TNRC6B: variants seen among roughly 807,000 people sequenced by gnomAD.
TNRC6B encodes trinucleotide repeat-containing gene 6B protein.
A neutral mutation model predicts 203.6 loss-of-function variants in TNRC6B; 52 were observed. The observed-to-expected ratio is 0.26, with a 90% CI of 0.20 to 0.32. The LOEUF (loss-of-function observed/expected upper bound fraction) is 0.32, where lower values mean the gene tolerates loss of function less well. Among genes scored for constraint, TNRC6B ranks in the 10% least tolerant of loss-of-function variants. The pLI, the probability that TNRC6B is intolerant of heterozygous loss-of-function variation, is 1.00. For synonymous variants in TNRC6B, 838 were observed against 845.7 expected (o/e 0.99, Z 0.16); for missense variants, 1,923 against 2,286.2 (o/e 0.84, Z 3.24).
At chr22:40,065,077 G>A (rs1048019207) in intron 1 of TNRC6B, among the ~76,000 whole-genome samples, 3 of 142,886 alleles carry the variant, frequency 2.1e-5, no homozygotes, top group Non-Finnish European at 4.6e-5. Flanking sequence ...TGGTCTCATA[G>A]AATGAATTGG....
At chr22:40,254,383 C>T (rs749679986) in intron 3 of TNRC6B, among the ~76,000 whole-genome samples, 5 of 152,034 alleles carry the variant, frequency 3.3e-5, no homozygotes, top group South Asian at 2.1e-4. Context: ...GGCCAGGCAC[C>T]GTGGCACAGG....
intron 1 of TNRC6B, among the ~76,000 whole-genome samples, chr22:40,064,871 C>T (rs964711394): frequency 1.3e-5 from 2 of 152,052 alleles, no homozygotes; most frequent in Non-Finnish European, 2.9e-5. Context: ...CCCACCTCGG[C>T]CTTCCAAAGT....
rs768921915 is a variant in TNRC6B at position 40,322,927 on chromosome 22, G to A, written c.5188G>A (p.Ala1730Thr). 6.2e-7 allele frequency: 1 copy of A among 1,613,720 alleles called. No homozygotes were observed. The highest frequency in any genetic ancestry group is 8.5e-7 in the Non-Finnish European group (1 of 1,179,828). ...TGAAGTCAGCCGCTTTCTGGCACAA[G>A]CTCAGCCCCCTACACCTGCAGCAAC... ...DDEVSRFLAQAQPPTPAATPS... is the reference protein window; with the variant it reads ...DDEVSRFLAQTQPPTPAATPS... Residue 1730 changes from alanine (A) to threonine (T), a missense_variant, in exon 23 of 23, where the codon GCT becomes ACT. Coordinates refer to ENST00000454349, the MANE Select transcript of TNRC6B (RefSeq NM_001162501.2).
intron 1 of TNRC6B, among the ~76,000 whole-genome samples, chr22:40,226,339 G>GAT (rs1358045902): frequency 2.0e-5 from 3 of 152,046 alleles, no homozygotes; most frequent in Non-Finnish European, 2.9e-5. Context: ...TCAATACCAA[G>GAT]ATAAGTGTCA....
chr22:40,080,989 T>C (rs2068059457), intron 1 of TNRC6B, among the ~76,000 whole-genome samples: 1 of 152,144 alleles, frequency 6.6e-6, no homozygotes, highest in Non-Finnish European at 1.5e-5. Flanking sequence ...CCCAAGTAGC[T>C]GGAATTACAT....
intron 1 of TNRC6B, among the ~76,000 whole-genome samples, chr22:40,238,789 T>C (rs1215258217): frequency 1.3e-5 from 2 of 152,264 alleles, no homozygotes; most frequent in African/African-American, 4.8e-5. Flanking sequence ...ACTGTGTATT[T>C]TATACATGCA....
At chr22:40,108,499 G>A (rs2068306006) in intron 1 of TNRC6B, among the ~76,000 whole-genome samples, 2 of 152,182 alleles carry the variant, frequency 1.3e-5, no homozygotes, top group South Asian at 4.1e-4. Context: ...TTGTCAAAGT[G>A]TGCTCCTTCC....
intron 16 of TNRC6B, 55 bp downstream of exon 16, chr22:40,308,704 C>A: frequency 6.5e-7 from 1 of 1,548,070 alleles, no homozygotes; most frequent in Non-Finnish European, 8.7e-7. Context: ...CTTGATGAAA[C>A]ATCTTATAAG....
chr22:40,145,805 A>G (rs531919746), intron 3 of TNRC6B, among the ~76,000 whole-genome samples: 5 of 151,754 alleles, frequency 3.3e-5, no homozygotes, highest in Non-Finnish European at 7.4e-5. Flanking sequence ...TCACATCACT[A>G]TGCTCCAGCC....
chr22:40,144,929 A>G (rs553355090), intron 3 of TNRC6B, among the ~76,000 whole-genome samples: 1 of 152,026 alleles, frequency 6.6e-6, no homozygotes, highest in East Asian at 1.9e-4. Flanking sequence ...AGGTACAACC[A>G]TATCTAAAAT....
At chr22:40,290,085 T>TC (rs1230410948) in intron 12 of TNRC6B, among the ~76,000 whole-genome samples, 2 of 152,214 alleles carry the variant, frequency 1.3e-5, no homozygotes, top group Non-Finnish European at 2.9e-5. Flanking sequence ...TCCTGCCTGT[T>TC]CCCCACCCTG....
chr22:40,066,883 C>T (rs2067898010), intron 1 of TNRC6B, among the ~76,000 whole-genome samples: 1 of 150,154 alleles, frequency 6.7e-6, no homozygotes, highest in Non-Finnish European at 1.5e-5. Flanking sequence ...ACTGTGGAAG[C>T]TTCTTTTCTT....
In TNRC6B at chr22:40,300,979, G is replaced by A; in HGVS notation, c.3910G>A (p.Ala1304Thr). The change falls in exon 14 of 23, where the codon GCT becomes ACT. Residue 1304 changes from alanine to threonine, a missense_variant. By Grantham distance (58) the Ala-to-Thr change is moderately conservative. Around this residue, in one of 8 missense-constraint regions of TNRC6B, gnomAD observed 242 missense variants for 399.5 expected, o/e 0.61. Transcript: ENST00000454349. ...ACAGAACCAGAGAAAGATTTCTCAA[G>A]CTGTACGCCAACAGCAAGAGCAGCA... The part of the protein sequence containing the change: ...LLQNQRKISQ[A>T]VRQQQEQQLA... The A allele has an allele frequency of 6.2e-7, 1 of 1,613,510 alleles. No homozygotes were observed. The highest frequency in any genetic ancestry group is 8.5e-7 in the Non-Finnish European group (1 of 1,179,712).
intron 1 of TNRC6B, among the ~76,000 whole-genome samples, chr22:40,064,281 A>G (rs943465582): frequency 6.6e-6 from 1 of 152,110 alleles, no homozygotes; most frequent in African/African-American, 2.4e-5. Flanking sequence ...ATGTTGGCCA[A>G]AAGTGGCAAG....
intron 8 of TNRC6B, among the ~76,000 whole-genome samples, chr22:40,277,783 C>T (rs900012474): frequency 2.1e-4 from 32 of 152,178 alleles, no homozygotes; most frequent in African/African-American, 7.5e-4. Flanking sequence ...CTTATTGAGA[C>T]TAATTGTATG....
At chr22:40,239,353 C>T (rs542117877) in intron 1 of TNRC6B, among the ~76,000 whole-genome samples, 5 of 152,260 alleles carry the variant, frequency 3.3e-5, no homozygotes, top group African/African-American at 4.8e-5. Flanking sequence ...GCAGCCATGC[C>T]GCAGAAAGTC....
At chr22:40,089,919 G>A (rs987174177) in intron 1 of TNRC6B, among the ~76,000 whole-genome samples, 3 of 152,154 alleles carry the variant, frequency 2.0e-5, no homozygotes, top group African/African-American at 7.2e-5. Flanking sequence ...TTTTCCAGAT[G>A]TTATGTAGTT....
At chr22:40,313,323 G>A (rs1297703044) in intron 19 of TNRC6B, among the ~76,000 whole-genome samples, 1 of 151,958 alleles carries the variant, frequency 6.6e-6, no homozygotes, top group Non-Finnish European at 1.5e-5. Flanking sequence ...AGGGTCATGA[G>A]AAGAACCAGT....
chr22:40,326,971 C>G lies in TNRC6B; in HGVS notation c.*3730C>G, dbSNP rs1004806722. ...TTTGAAGATCTGCTGCTTAATTATC[C>G]CCATCCCTTAGCCGGAGATGTGGAG... On this transcript the variant is annotated 3_prime_UTR_variant, in exon 23 of 23. Transcript: ENST00000454349. 1 of 152,544 alleles carries G rather than the reference C, an allele frequency of 6.6e-6. No homozygotes were observed. The highest frequency in any genetic ancestry group is 2.4e-5 in the African/African-American group (1 of 41,392). The allele number at this position is 152,544 out of a possible 1,614,324, so 9.4% of individuals were successfully genotyped here.
Sources: gnomAD v4.1 joint callset for allele counts (sites outside exome capture counted in the v4.1 genomes callset) on GRCh38, gnomAD v4.1.1 for gene constraint, gnomAD v4.1.1 regional missense constraint, MANE v1.5 for transcripts, NCBI Gene and HGNC (gene_info 2026-07-23, HGNC 2026-07-21) for gene names.